Variants in ADIPOR2 observed in about 807,000 individuals in gnomAD.
The protein encoded by ADIPOR2 is adiponectin receptor protein 2.
ADIPOR2 carries 18 observed loss-of-function variants against 40.9 expected under a neutral mutation model. The ratio of observed to expected loss-of-function variants is 0.44; its 90% CI spans 0.30 to 0.65. The LOEUF (loss-of-function observed/expected upper bound fraction) is 0.65, where lower values mean the gene tolerates loss of function less well. ADIPOR2 is among the 30% of genes least tolerant of loss of function. The probability of loss-of-function intolerance (pLI) is 0.09; values close to 1 mark genes in which losing one functional copy is unlikely to be tolerated. For missense variants in ADIPOR2, 283 were observed against 479.2 expected, an observed-to-expected ratio of 0.59 and a Z score of 3.82; for synonymous variants, 165 against 166.4, an observed-to-expected ratio of 0.99 and a Z score of 0.06.
At chr12:1,744,318 ATGGTCT>A (rs1490944017) in intron 1 of ADIPOR2, among the ~76,000 whole-genome samples, 3 of 151,942 alleles carry the variant, frequency 2.0e-5, no homozygotes, top group African/African-American at 4.8e-5. Context: ...GTTAGCCAGA[ATGGTCT>A]TGATCTCCTG....
At chr12:1,775,489 A>G (rs1208081663) in intron 3 of ADIPOR2, among the ~76,000 whole-genome samples, 1 of 152,236 alleles carries the variant, frequency 6.6e-6, no homozygotes. Flanking sequence ...AATTATATGC[A>G]TATATAACCA....
intron 1 of ADIPOR2, among the ~76,000 whole-genome samples, chr12:1,725,930 A>G (rs1478603786): frequency 6.6e-6 from 1 of 152,196 alleles, no homozygotes; most frequent in Non-Finnish European, 1.5e-5. Context: ...TTGAATGTCT[A>G]CTGTGTATCA....
At chr12:1,766,225 CA>C (rs137919001) in intron 2 of ADIPOR2, among the ~76,000 whole-genome samples, 2,236 of 152,254 alleles carry the variant, frequency 0.015, 21 homozygotes, top group Middle Eastern at 0.051. Flanking sequence ...AAGGGAACAG[CA>C]GATGTGAAGA....
chr12:1,726,224 T>A (rs2094707706), intron 1 of ADIPOR2, among the ~76,000 whole-genome samples: 3 of 151,088 alleles, frequency 2.0e-5, no homozygotes, highest in African/African-American at 7.3e-5. Flanking sequence ...TGAGACGGAG[T>A]TTCATTCTTG....
intron 2 of ADIPOR2, among the ~76,000 whole-genome samples, chr12:1,767,150 A>G (rs1464963481): frequency 6.6e-6 from 1 of 152,040 alleles, no homozygotes; most frequent in Non-Finnish European, 1.5e-5. Context: ...AGGCGCCTAT[A>G]ATCCCAGCTA....
chr12:1,730,698 C>CTA (rs2094718420), intron 1 of ADIPOR2: 1 of 151,318 alleles, frequency 6.6e-6, no homozygotes. Context: ...ATATTGTTCT[C>CTA]TAACATTTTG....
chr12:1,785,226 C>T (rs1330110696), intron 7 of ADIPOR2, among the ~76,000 whole-genome samples: 1 of 152,078 alleles, frequency 6.6e-6, no homozygotes, highest in Non-Finnish European at 1.5e-5. Flanking sequence ...TGAAGTGCAG[C>T]GAGCAATTGA....
At chr12:1,695,860 T>C (rs1255188410) in intron 1 of ADIPOR2, 1 of 152,110 alleles carries the variant, frequency 6.6e-6, no homozygotes, top group Admixed American at 6.5e-5. Context: ...TTTTTCTATT[T>C]TTTTTTTTAA....
At chr12:1,777,220 GGTA>G (rs869059653) in intron 3 of ADIPOR2, among the ~76,000 whole-genome samples, 2 of 582 alleles carry the variant, frequency 3.4e-3, no homozygotes, top group Admixed American at 0.083. Flanking sequence ...CTGTTATATA[GGTA>G]GGATGAAGGA....
At chr12:1,698,878 AATCTTTG>A (rs1159063952) in intron 1 of ADIPOR2, among the ~76,000 whole-genome samples, 1 of 152,150 alleles carries the variant, frequency 6.6e-6, no homozygotes, top group Non-Finnish European at 1.5e-5. Flanking sequence ...TAAAAAAAAA[AATCTTTG>A]TTTATCTGAT....
At chr12:1,749,220 G>A (rs1450536642) in intron 1 of ADIPOR2, among the ~76,000 whole-genome samples, 1 of 152,202 alleles carries the variant, frequency 6.6e-6, no homozygotes, top group African/African-American at 2.4e-5. Context: ...GAACCTCTGT[G>A]TGTTCAGCTG....
chr12:1,779,009 G>T (rs145535511), intron 4 of ADIPOR2, among the ~76,000 whole-genome samples: 148 of 152,312 alleles, frequency 9.7e-4, no homozygotes, highest in African/African-American at 3.4e-3. Flanking sequence ...CACTAAGATG[G>T]CTATAATCAA....
chr12:1,767,452 G>A (rs1862406502), intron 2 of ADIPOR2, among the ~76,000 whole-genome samples: 1 of 151,756 alleles, frequency 6.6e-6, no homozygotes, highest in South Asian at 2.1e-4. Flanking sequence ...GAGAATACTG[G>A]GTATACATCC....
intron 1 of ADIPOR2, among the ~76,000 whole-genome samples, chr12:1,753,719 C>A (rs1258238782): frequency 6.6e-6 from 1 of 152,028 alleles, no homozygotes; most frequent in Non-Finnish European, 1.5e-5. Context: ...AATAAAAATA[C>A]CCTGTGGGGT....
At chr12:1,775,549 CTT>C (rs763348744) in intron 3 of ADIPOR2, among the ~76,000 whole-genome samples, 8 of 152,172 alleles carry the variant, frequency 5.3e-5, no homozygotes, top group African/African-American at 1.2e-4. Context: ...ACATATGACT[CTT>C]TTGTCTGTGT....
intron 1 of ADIPOR2, among the ~76,000 whole-genome samples, chr12:1,721,996 C>T (rs1297406395): frequency 6.6e-6 from 1 of 152,046 alleles, no homozygotes; most frequent in South Asian, 2.1e-4. Context: ...TAGGTGTAAA[C>T]GAAAGCCAGT....
chr12:1,785,809 T>G, intron 7 of ADIPOR2, 135 bp from the exon 8 acceptor site: 1 of 1,218,220 alleles, frequency 8.2e-7, no homozygotes, highest in Non-Finnish European at 1.1e-6. Flanking sequence ...GTGGACGCCT[T>G]GAATTTGAGC....
Position 1,777,797 on chromosome 12 carries a change from G to A in ADIPOR2, c.292-57G>A, listed in dbSNP as rs375003618. The A allele has an allele frequency of 3.1e-4, 476 of 1,529,696 alleles. 5 individuals carry two copies. In the South Asian group the frequency reaches 5.4e-3, roughly 17 times the overall value. 94.8% of individuals were successfully genotyped at this position (1,529,696 alleles called of 1,614,324 possible). A position where few individuals can be genotyped will look rare whatever the true frequency, so the allele number is the denominator to read the frequency against. On this transcript the variant is annotated intron_variant, in intron 3 of 7. Coordinates refer to ENST00000357103, the MANE Select transcript of ADIPOR2 (RefSeq NM_024551.3). Reference sequence around the variant, plus strand: ...GATAAGACACAGTTGTTAGGGGTCAGTGTTGGTAAATTGACAACTAAAATC... The same window carrying A: ...GATAAGACACAGTTGTTAGGGGTCAATGTTGGTAAATTGACAACTAAAATC...
chr12:1,773,006 C>T (rs761245710), intron 3 of ADIPOR2, 45 bp downstream of exon 3: 2 of 1,592,978 alleles, frequency 1.3e-6, no homozygotes, highest in African/African-American at 2.7e-5. Flanking sequence ...ATATTTAGCC[C>T]TTCCAAAACA....
Sources: allele counts gnomAD v4.1 joint callset (sites outside exome capture counted in the v4.1 genomes callset), GRCh38; gene constraint gnomAD v4.1.1; transcripts MANE v1.5; gene names NCBI Gene and HGNC (gene_info 2026-07-23, HGNC 2026-07-21).